SDHC: variants seen among roughly 807,000 people sequenced by gnomAD.
The protein encoded by SDHC is succinate dehydrogenase complex subunit C, also known as succinate dehydrogenase cytochrome b560 subunit, mitochondrial.
SDHC carries 11 observed loss-of-function variants against 22.6 expected under a neutral mutation model. The ratio of observed to expected loss-of-function variants is 0.49; its 90% confidence interval spans 0.31 to 0.81. The LOEUF (loss-of-function observed/expected upper bound fraction) is 0.81, where lower values mean the gene tolerates loss of function less well. Among genes scored for constraint, SDHC ranks in the 30% least tolerant of loss-of-function variants. SDHC has a pLI of 0.05. For missense variants in SDHC, 160 were observed against 212.0 expected (o/e 0.75, Z 1.52); for synonymous variants, 80 against 77.8 (o/e 1.03, Z -0.15).
At chr1:161,322,428 T>C (rs1345398335) in intron 1 of SDHC, among the ~76,000 whole-genome samples, 1 of 152,208 alleles carries the variant, frequency 6.6e-6, no homozygotes, top group African/African-American at 2.4e-5. Flanking sequence ...AATAATTACA[T>C]GAAAGACTTT....
intron 1 of SDHC, chr1:161,314,667 T>G (rs1571829623): frequency 8.5e-6 from 5 of 588,586 alleles, no homozygotes; most frequent in Non-Finnish European, 1.5e-5. Flanking sequence ...TCTCGCCCCT[T>G]CTGTTTTCCC....
chr1:161,316,775 C>T (rs1670633751), intron 1 of SDHC, among the ~76,000 whole-genome samples: 1 of 151,800 alleles, frequency 6.6e-6, no homozygotes, highest in South Asian at 2.1e-4. Context: ...TTCCATTTCA[C>T]TAGAGGGATT....
intron 3 of SDHC, chr1:161,339,629 A>AATT (rs768235263): frequency 7.2e-5 from 54 of 746,830 alleles, no homozygotes; most frequent in Admixed American, 9.8e-5. Flanking sequence ...TTTATTCTTT[A>AATT]ATTTATTTTT....
At chr1:161,347,064 C>T (rs1291712399) in intron 4 of SDHC, among the ~76,000 whole-genome samples, 2 of 152,094 alleles carry the variant, frequency 1.3e-5, no homozygotes, top group Non-Finnish European at 2.9e-5. Flanking sequence ...ATGCAGAATC[C>T]ATGGATGCAG....
intron 2 of SDHC, among the ~76,000 whole-genome samples, chr1:161,326,188 G>A (rs1671039175): frequency 6.6e-6 from 1 of 151,480 alleles, no homozygotes; most frequent in African/African-American, 2.4e-5. Flanking sequence ...GCCACAGAGC[G>A]AGATCCCATC....
chr1:161,335,918 C>CTTTTTG (rs1384107862), intron 3 of SDHC, among the ~76,000 whole-genome samples: 1 of 152,110 alleles, frequency 6.6e-6, no homozygotes, highest in Non-Finnish European at 1.5e-5. Flanking sequence ...TGTAAATCTG[C>CTTTTTG]TTTTTGTTTT....
intron 1 of SDHC, 104 bp downstream of exon 1, chr1:161,314,529 A>G: frequency 7.0e-7 from 1 of 1,426,256 alleles, no homozygotes; most frequent in Non-Finnish European, 9.8e-7. Context: ...TGGGCAGGGA[A>G]AGGACCCATG....
At chr1:161,316,087 T>G (rs1313027861) in intron 1 of SDHC, among the ~76,000 whole-genome samples, 1 of 152,176 alleles carries the variant, frequency 6.6e-6, no homozygotes, top group Non-Finnish European at 1.5e-5. Flanking sequence ...TTTTCCCCTA[T>G]CTCAGTAGAT....
chr1:161,358,783 G>C (rs1380091986), intron 5 of SDHC, among the ~76,000 whole-genome samples: 1 of 151,788 alleles, frequency 6.6e-6, no homozygotes, highest in Admixed American at 6.6e-5. Context: ...AAAATTAGCC[G>C]GGCATGGTGG....
chr1:161,330,091 G>A (rs60078979), intron 3 of SDHC, among the ~76,000 whole-genome samples: 17,850 of 152,118 alleles, frequency 0.12, 1,414 homozygotes, highest in African/African-American at 0.22. Flanking sequence ...CCTCTGGAGG[G>A]GAGGGTGCAT....
At chr1:161,314,646 G>C (rs1163644298) in intron 1 of SDHC, 1 of 603,054 alleles carries the variant, frequency 1.7e-6, no homozygotes. Context: ...TCGTATCGAG[G>C]GGCCCTCGGC....
rs184342332 is a variant in SDHC at position 161,355,675 on chromosome 1, A to T, written c.242-1002A>T. On this transcript the variant is annotated intron_variant, in intron 4 of 5. Transcript: ENST00000367975. ...AATTTTTCCTCTCTTCAGAGGTAGCAACACTAGAAGATAAAGATAAAAAAA... is the reference window on the plus strand; with the variant it reads ...AATTTTTCCTCTCTTCAGAGGTAGCTACACTAGAAGATAAAGATAAAAAAA... 3.8e-4 allele frequency among the ~76,000 whole-genome samples: 58 copies of T among 152,272 alleles called. No homozygotes were observed. The East Asian group carries it at 9.8e-3, about 26-fold the overall frequency.
At chr1:161,335,943 G>A (rs1001805099) in intron 3 of SDHC, among the ~76,000 whole-genome samples, 20 of 152,198 alleles carry the variant, frequency 1.3e-4, no homozygotes, top group South Asian at 4.1e-4. Flanking sequence ...GGCTAACCCA[G>A]CAAAGCATCT....
chr1:161,335,295 C>T (rs1671432302), intron 3 of SDHC, among the ~76,000 whole-genome samples: 1 of 152,110 alleles, frequency 6.6e-6, no homozygotes, highest in East Asian at 1.9e-4. Flanking sequence ...CTAGATTTCT[C>T]TACTGTAAAG....
chr1:161,354,689 G>A (rs1380261351), intron 4 of SDHC, among the ~76,000 whole-genome samples: 1 of 148,830 alleles, frequency 6.7e-6, no homozygotes, highest in Admixed American at 6.8e-5. Context: ...GTGTGTGTGT[G>A]TGTGTGTGTG....
At chr1:161,345,268 A>G (rs1671851759) in intron 4 of SDHC, among the ~76,000 whole-genome samples, 1 of 152,156 alleles carries the variant, frequency 6.6e-6, no homozygotes, top group Non-Finnish European at 1.5e-5. Flanking sequence ...CTCTTGCTGC[A>G]CTGTGCTTGG....
intron 4 of SDHC, among the ~76,000 whole-genome samples, chr1:161,344,739 G>A (rs1462457158): frequency 6.6e-6 from 1 of 152,118 alleles, no homozygotes; most frequent in Non-Finnish European, 1.5e-5. Flanking sequence ...TATAAAATGG[G>A]CATATTAATA....
At chr1:161,358,538 G>A (rs1463219667) in intron 5 of SDHC, among the ~76,000 whole-genome samples, 1 of 152,082 alleles carries the variant, frequency 6.6e-6, no homozygotes, top group Non-Finnish European at 1.5e-5. Flanking sequence ...CCGTAAGGCT[G>A]AGGTGGGAGG....
chr1:161,325,104 G>A (rs996757289), intron 2 of SDHC, among the ~76,000 whole-genome samples: 1 of 152,036 alleles, frequency 6.6e-6, no homozygotes, highest in Non-Finnish European at 1.5e-5. Context: ...GCTATGGGGA[G>A]GCTAAGGCAG....
Sources: gnomAD v4.1 joint callset for allele counts (sites outside exome capture counted in the v4.1 genomes callset) on GRCh38, gnomAD v4.1.1 for gene constraint, MANE v1.5 for transcripts, NCBI Gene and HGNC (gene_info 2026-07-23, HGNC 2026-07-21) for gene names.